The following CACNA2D3 variants were observed in gnomAD, a reference collection of about 807,000 sequenced individuals.
The protein encoded by CACNA2D3 is voltage-dependent calcium channel subunit alpha-2/delta-3.
In CACNA2D3, 60 loss-of-function variants were observed where a neutral mutation model predicts 160.6. The observed-to-expected ratio is 0.37, with a 90% CI of 0.30 to 0.46. The LOEUF (loss-of-function observed/expected upper bound fraction) is 0.46. CACNA2D3 is among the 20% of genes least tolerant of loss of function. The probability of loss-of-function intolerance (pLI) is 1.00; values close to 1 mark genes in which losing one functional copy is unlikely to be tolerated. For missense variants in CACNA2D3, 1,205 were observed against 1,365.0 expected (o/e 0.88, Z 1.85); for synonymous variants, 558 against 492.9 (o/e 1.13, Z -1.75).
intron 9 of CACNA2D3, among the ~76,000 whole-genome samples, chr3:54,582,353 G>A (rs1702692036): frequency 6.6e-6 from 1 of 152,186 alleles, no homozygotes; most frequent in East Asian, 1.9e-4. Context: ...GCCAAGCATT[G>A]CCTGTTCCAT....
chr3:54,125,790 T>C (rs1433468192), intron 2 of CACNA2D3, among the ~76,000 whole-genome samples: 1 of 152,196 alleles, frequency 6.6e-6, no homozygotes. Context: ...ATCTGAGTGC[T>C]CAGAGTGTAG....
chr3:54,315,846 C>G (rs564214443), intron 2 of CACNA2D3, among the ~76,000 whole-genome samples: 14 of 152,308 alleles, frequency 9.2e-5, no homozygotes, highest in Admixed American at 6.5e-4. Flanking sequence ...CGCTTAACTA[C>G]AAAGAGTCTA....
intron 11 of CACNA2D3, among the ~76,000 whole-genome samples, chr3:54,739,628 A>G (rs1701604387): frequency 1.3e-5 from 2 of 152,012 alleles, no homozygotes; most frequent in African/African-American, 2.4e-5. Flanking sequence ...GATCCTCCTT[A>G]TCAACTGGAG....
chr3:54,682,189 A>ACT (rs1259995313), intron 11 of CACNA2D3, among the ~76,000 whole-genome samples: 3 of 150,902 alleles, frequency 2.0e-5, no homozygotes, highest in African/African-American at 7.3e-5. Flanking sequence ...ACACACACAC[A>ACT]CACACCACAA....
chr3:54,879,043 A>G lies in CACNA2D3; in HGVS notation c.1736A>G (p.Lys579Arg). ...DVLRNAMVNR[K>R]TGKFSMEVKK... ...TTGAGAAATGCTATGGTGAATCGAA[A>G]GACGGGGAAGTTTTCCATGGAGGTG... Residue 579 changes from lysine (K) to arginine (R), a missense_variant, in exon 19 of 38, where the codon AAG becomes AGG. Physicochemically the swap from Lys to Arg is conservative, Grantham distance 26 (BLOSUM62 2). Around this residue, in one of 3 missense-constraint regions of CACNA2D3, gnomAD observed 911 missense variants for 1,002.2 expected, o/e 0.91. Coordinates refer to ENST00000474759, the MANE Select transcript of CACNA2D3 (RefSeq NM_018398.3). 1.2e-6 allele frequency: 2 copies of G among 1,606,070 alleles called. No individual in the cohort carries two copies. The highest frequency in any genetic ancestry group is 1.7e-6 in the Non-Finnish European group (2 of 1,177,096).
intron 4 of CACNA2D3, among the ~76,000 whole-genome samples, chr3:54,466,618 T>C (rs544121277): frequency 6.6e-6 from 1 of 152,282 alleles, no homozygotes; most frequent in South Asian, 2.1e-4. Context: ...GTTACTTACT[T>C]TTTTAAAAAA....
intron 11 of CACNA2D3, among the ~76,000 whole-genome samples, chr3:54,720,972 T>A (rs1277035934): frequency 1.3e-5 from 2 of 152,206 alleles, no homozygotes; most frequent in African/African-American, 2.4e-5. Context: ...ATAATCTTGC[T>A]ATTTTTCTTA....
chr3:54,904,543 A>C (rs902690061), intron 27 of CACNA2D3, among the ~76,000 whole-genome samples: 3 of 152,242 alleles, frequency 2.0e-5, no homozygotes, highest in African/African-American at 2.4e-5. Flanking sequence ...AATTATGTGC[A>C]CTTGCTTTAA....
intron 4 of CACNA2D3, among the ~76,000 whole-genome samples, chr3:54,446,170 G>A (rs1408920902): frequency 6.6e-6 from 1 of 152,176 alleles, no homozygotes; most frequent in Admixed American, 6.5e-5. Context: ...TTTACAAGAG[G>A]CTTCAATTTC....
intron 2 of CACNA2D3, among the ~76,000 whole-genome samples, chr3:54,259,819 G>A (rs534104657): frequency 1.3e-5 from 2 of 152,346 alleles, no homozygotes; most frequent in South Asian, 4.1e-4. Flanking sequence ...AGGGATTTCT[G>A]AGAAGAGTGA....
chr3:54,882,781 G>A (rs1190227744), intron 21 of CACNA2D3, among the ~76,000 whole-genome samples: 3 of 152,122 alleles, frequency 2.0e-5, no homozygotes, highest in African/African-American at 7.2e-5. Context: ...CTTGGAGAGG[G>A]AAGGAGTTCC....
chr3:54,180,075 T>G (rs1275833473), intron 2 of CACNA2D3, among the ~76,000 whole-genome samples: 1 of 151,132 alleles, frequency 6.6e-6, no homozygotes, highest in Non-Finnish European at 1.5e-5. Context: ...ATGTTCTTTT[T>G]TTTTGGTTTT....
intron 2 of CACNA2D3, among the ~76,000 whole-genome samples, chr3:54,252,119 G>A (rs550905971): frequency 1.2e-4 from 5 of 40,028 alleles, no homozygotes; most frequent in African/African-American, 1.1e-3. Flanking sequence ...TTTTTTGTAC[G>A]ATACTCTCCG....
At chr3:54,521,019 G>T (rs1207697424) in intron 5 of CACNA2D3, among the ~76,000 whole-genome samples, 1 of 104,466 alleles carries the variant, frequency 9.6e-6, no homozygotes, top group African/African-American at 3.4e-5. Flanking sequence ...CTGTTGATGG[G>T]CACTTGGGTT....
At chr3:54,525,401 C>T (rs1701709703) in intron 5 of CACNA2D3, among the ~76,000 whole-genome samples, 1 of 152,080 alleles carries the variant, frequency 6.6e-6, no homozygotes, top group Admixed American at 6.5e-5. Flanking sequence ...GTTACATATT[C>T]ACCTTTTTGG....
chr3:54,949,940 C>T (rs1047957736), intron 27 of CACNA2D3, among the ~76,000 whole-genome samples: 7 of 152,200 alleles, frequency 4.6e-5, no homozygotes, highest in African/African-American at 1.7e-4. Context: ...AATAATGTTT[C>T]TCTAGCTATT....
chr3:55,041,061 T>C lies in CACNA2D3; in HGVS notation c.2987+22744T>C, dbSNP rs75686889. Among the ~76,000 whole-genome samples the C allele has an allele frequency of 9.7e-3, 1,477 of 152,304 alleles. 27 individuals are homozygous for C. Among genetic ancestry groups the C allele is most frequent in the African/African-American group, 0.034 (1,395 of 41,560 alleles). On this transcript the variant is annotated intron_variant, in intron 35 of 37. Coordinates refer to ENST00000474759, the MANE Select transcript of CACNA2D3 (RefSeq NM_018398.3). ...TTCAGCACCATGCCTTTCTTCATAT[T>C]ATATTATATGCCACTGATCTTTCCT...
At chr3:54,428,549 G>C (rs1242319850) in intron 4 of CACNA2D3, among the ~76,000 whole-genome samples, 1 of 151,670 alleles carries the variant, frequency 6.6e-6, no homozygotes, top group Non-Finnish European at 1.5e-5. Flanking sequence ...TGTTGGGCCA[G>C]AGTTAAAAAA....
rs149026458 is a variant in CACNA2D3 at position 54,929,391 on chromosome 3, G to C, written c.2449+29523G>C. Among the ~76,000 whole-genome samples the C allele has an allele frequency of 1.5e-3, 234 of 152,302 alleles. 2 individuals carry two copies. The highest frequency in any genetic ancestry group is 5.2e-3 in the African/African-American group (218 of 41,568). ...TCAGCAGGAGGAATGTCCTGAGGGA[G>C]GTCTTGACAGAGGGCCATGGAACCT... On this transcript the variant is annotated intron_variant, in intron 27 of 37. Transcript: ENST00000474759.
Sources: allele counts gnomAD v4.1 joint callset (sites outside exome capture counted in the v4.1 genomes callset), GRCh38; gene constraint gnomAD v4.1.1; regional missense constraint gnomAD v4.1.1; transcripts MANE v1.5; gene names NCBI Gene and HGNC (gene_info 2026-07-23, HGNC 2026-07-21).